The following LPAR1 variants were observed in gnomAD, a reference collection of about 807,000 sequenced individuals.
LPAR1 encodes the protein lysophosphatidic acid receptor 1, also known as LPA receptor 1.
Under a neutral mutation model 23.8 loss-of-function variants are expected in LPAR1, and 5 were observed. That is an observed-to-expected ratio of 0.21 (90% CI 0.11 to 0.44). The LOEUF is 0.44. Among genes scored for constraint, LPAR1 ranks in the 20% least tolerant of loss-of-function variants. The probability of loss-of-function intolerance (pLI) is 0.99; values close to 1 mark genes in which losing one functional copy is unlikely to be tolerated. For missense variants in LPAR1, 311 were observed against 482.8 expected (o/e 0.64, Z 3.33); for synonymous variants, 160 against 164.7 (o/e 0.97, Z 0.22).
chr9:111,022,590 C>T (rs970933112), intron 2 of LPAR1, among the ~76,000 whole-genome samples: 2 of 152,180 alleles, frequency 1.3e-5, no homozygotes, highest in Non-Finnish European at 2.9e-5. Context: ...ATCTGATCTT[C>T]ACTTACAAAA....
chr9:110,963,493 C>T (rs1462622834), intron 4 of LPAR1, among the ~76,000 whole-genome samples: 1 of 152,124 alleles, frequency 6.6e-6, no homozygotes, highest in Non-Finnish European at 1.5e-5. Flanking sequence ...ATACCACATA[C>T]ACAGACCATA....
intron 2 of LPAR1, among the ~76,000 whole-genome samples, chr9:111,004,207 A>G (rs767780162): frequency 6.6e-6 from 1 of 152,076 alleles, no homozygotes; most frequent in East Asian, 1.9e-4. Flanking sequence ...CATTCATCCT[A>G]GTCTTCAATT....
chr9:111,030,045 C>CAA (rs56962960), intron 2 of LPAR1, among the ~76,000 whole-genome samples: 915 of 74,796 alleles, frequency 0.012, 6 homozygotes, highest in African/African-American at 0.037. Flanking sequence ...GGCTCTGCCT[C>CAA]AAAAAAAAAA....
chr9:110,888,005 T>C (rs1339815310), intron 5 of LPAR1, among the ~76,000 whole-genome samples: 1 of 152,192 alleles, frequency 6.6e-6, no homozygotes, highest in Non-Finnish European at 1.5e-5. Flanking sequence ...TAAAGTAGAA[T>C]CCTATTCAAT....
intron 5 of LPAR1, among the ~76,000 whole-genome samples, chr9:110,882,141 C>G (rs2081048384): frequency 6.6e-6 from 1 of 152,224 alleles, no homozygotes; most frequent in African/African-American, 2.4e-5. Flanking sequence ...TTATTATCAT[C>G]ACATGCTGAT....
intron 2 of LPAR1, among the ~76,000 whole-genome samples, chr9:110,990,643 A>G (rs1396465161): frequency 1.3e-5 from 2 of 152,122 alleles, no homozygotes; most frequent in African/African-American, 2.4e-5. Context: ...CTATAATAGA[A>G]AAGAAGAAAA....
intron 5 of LPAR1, among the ~76,000 whole-genome samples, chr9:110,916,071 A>G (rs1440617111): frequency 2.0e-5 from 3 of 152,256 alleles, no homozygotes; most frequent in Non-Finnish European, 4.4e-5. Context: ...TATCAATTAT[A>G]TAATACTACT....
intron 5 of LPAR1, among the ~76,000 whole-genome samples, chr9:110,914,874 G>C (rs571094351): frequency 6.6e-6 from 1 of 151,996 alleles, no homozygotes; most frequent in Non-Finnish European, 1.5e-5. Context: ...CTCGAGCTAA[G>C]ACAACTGCTA....
At chr9:110,887,394 C>T (rs1166603312) in intron 5 of LPAR1, among the ~76,000 whole-genome samples, 2 of 151,894 alleles carry the variant, frequency 1.3e-5, no homozygotes, top group African/African-American at 4.8e-5. Flanking sequence ...AAAAGAAGAA[C>T]AGTATAAACT....
chr9:110,960,797 A>G (rs943669821), intron 4 of LPAR1, among the ~76,000 whole-genome samples: 9 of 152,202 alleles, frequency 5.9e-5, no homozygotes, highest in Admixed American at 1.3e-4. Context: ...TGTGACATCT[A>G]TTCTCCTGCA....
At chr9:110,959,112 G>C (rs1423302108) in intron 4 of LPAR1, among the ~76,000 whole-genome samples, 1 of 126,944 alleles carries the variant, frequency 7.9e-6, no homozygotes, top group Non-Finnish European at 1.5e-5. Flanking sequence ...TACAGTGTTG[G>C]TGGGAATGTA....
At chr9:111,004,294 T>G (rs1312309063) in intron 2 of LPAR1, among the ~76,000 whole-genome samples, 1 of 152,176 alleles carries the variant, frequency 6.6e-6, no homozygotes, top group Non-Finnish European at 1.5e-5. Flanking sequence ...TGTTCTCTCC[T>G]CATTTCCCAG....
At chr9:110,923,637 A>G (rs951303147) in intron 5 of LPAR1, among the ~76,000 whole-genome samples, 2 of 152,234 alleles carry the variant, frequency 1.3e-5, no homozygotes, top group Non-Finnish European at 2.9e-5. Flanking sequence ...CCCCACCGCT[A>G]AGTCAGGAAA....
chr9:110,888,515 G>A (rs1325539051), intron 5 of LPAR1, among the ~76,000 whole-genome samples: 2 of 149,772 alleles, frequency 1.3e-5, no homozygotes, highest in East Asian at 2.0e-4. Context: ...ATTAGACAAT[G>A]TAATTATTTC....
intron 2 of LPAR1, among the ~76,000 whole-genome samples, chr9:111,029,517 C>T (rs1175479018): frequency 6.6e-6 from 1 of 152,054 alleles, no homozygotes; most frequent in Non-Finnish European, 1.5e-5. Flanking sequence ...TTCCTCATTA[C>T]TCTTCTGCAT....
At chr9:110,909,004 CA>C (rs1224697814) in intron 5 of LPAR1, among the ~76,000 whole-genome samples, 3 of 152,112 alleles carry the variant, frequency 2.0e-5, no homozygotes, top group Admixed American at 6.6e-5. Context: ...TCAGGCCTCT[CA>C]AAAAAGTATC....
intron 5 of LPAR1, among the ~76,000 whole-genome samples, chr9:110,935,061 A>G (rs2135877225): frequency 6.6e-6 from 1 of 152,322 alleles, no homozygotes; most frequent in South Asian, 2.1e-4. Context: ...CCAATTGGTT[A>G]TAAGAAGACC....
chr9:110,974,091 G>A (rs922266759), intron 2 of LPAR1, among the ~76,000 whole-genome samples: 12 of 151,984 alleles, frequency 7.9e-5, no homozygotes, highest in Admixed American at 4.6e-4. Context: ...CCCAGGAGGC[G>A]GAGGTTGCAG....
At chr9:111,030,483 C>T (rs1478537461) in intron 2 of LPAR1, among the ~76,000 whole-genome samples, 3 of 152,262 alleles carry the variant, frequency 2.0e-5, no homozygotes, top group African/African-American at 4.8e-5. Context: ...ACAATGAAAC[C>T]TGCCTATAAT....
Sources: gnomAD v4.1 joint callset for allele counts (sites outside exome capture counted in the v4.1 genomes callset) on GRCh38, gnomAD v4.1.1 for gene constraint, MANE v1.5 for transcripts, NCBI Gene and HGNC (gene_info 2026-07-23, HGNC 2026-07-21) for gene names.